Variants in PDE7B observed in about 807,000 individuals in gnomAD.
PDE7B encodes the protein 3',5'-cyclic-AMP phosphodiesterase 7B.
Under a neutral mutation model 56.2 loss-of-function variants are expected in PDE7B, and 29 were observed. That is an observed-to-expected ratio of 0.52 (90% CI 0.38 to 0.70). The LOEUF is 0.70. Ranked by LOEUF, PDE7B falls within the 30% of genes least tolerant of loss-of-function variation. The pLI is 0.00. For synonymous variants in PDE7B, 197 were observed against 196.9 expected, an observed-to-expected ratio of 1.00 and a Z score of 0.00; for missense variants, 490 against 565.0, an observed-to-expected ratio of 0.87 and a Z score of 1.35.
chr6:136,154,757 C>T (rs565821059), intron 7 of PDE7B, among the ~76,000 whole-genome samples: 1 of 152,328 alleles, frequency 6.6e-6, no homozygotes, highest in South Asian at 2.1e-4. Context: ...ACTCAACATT[C>T]AGGCAGTCCT....
At chr6:135,903,437 G>A (rs1386357122) in intron 1 of PDE7B, among the ~76,000 whole-genome samples, 15 of 152,156 alleles carry the variant, frequency 9.9e-5, no homozygotes, top group Non-Finnish European at 5.9e-5. Context: ...ATGTGCAAGT[G>A]AAATACTCAG....
intron 2 of PDE7B, among the ~76,000 whole-genome samples, chr6:136,055,176 GCTT>G (rs1261790430): frequency 6.6e-6 from 1 of 152,166 alleles, no homozygotes; most frequent in African/African-American, 2.4e-5. Context: ...AGGGAGCACT[GCTT>G]CTTAATTTTT....
intron 1 of PDE7B, among the ~76,000 whole-genome samples, chr6:135,914,371 C>G (rs1776260404): frequency 6.6e-6 from 1 of 151,756 alleles, no homozygotes; most frequent in South Asian, 2.1e-4. Context: ...CTGCCCCACC[C>G]CACTTCCCAG....
At chr6:135,962,868 C>G (rs1048290363) in intron 2 of PDE7B, among the ~76,000 whole-genome samples, 1 of 152,134 alleles carries the variant, frequency 6.6e-6, no homozygotes, top group African/African-American at 2.4e-5. Flanking sequence ...AAATCCAGTA[C>G]CTTGTATCAT....
chr6:136,142,490 G>A (rs1778344234), intron 3 of PDE7B, among the ~76,000 whole-genome samples: 1 of 152,170 alleles, frequency 6.6e-6, no homozygotes, highest in Non-Finnish European at 1.5e-5. Context: ...GCAGAGCTGA[G>A]TTCAGTTCCT....
At chr6:136,180,417 CT>C (rs1779043901) in intron 10 of PDE7B, among the ~76,000 whole-genome samples, 1 of 150,520 alleles carries the variant, frequency 6.6e-6, no homozygotes, top group African/African-American at 2.5e-5. Flanking sequence ...TGACACTTAC[CT>C]CTACTTCAAC....
intron 7 of PDE7B, among the ~76,000 whole-genome samples, chr6:136,155,143 GA>G (rs1046841563): frequency 2.6e-5 from 4 of 152,094 alleles, no homozygotes. Flanking sequence ...ATTACACATT[GA>G]AAAAAATGCA....
intron 2 of PDE7B, among the ~76,000 whole-genome samples, chr6:136,014,811 C>T (rs1775949626): frequency 6.6e-6 from 1 of 152,166 alleles, no homozygotes; most frequent in Non-Finnish European, 1.5e-5. Context: ...ATGCGTAAAA[C>T]ACATTGGCCC....
intron 1 of PDE7B, among the ~76,000 whole-genome samples, chr6:135,877,228 C>T (rs111748382): frequency 2.0e-5 from 3 of 152,072 alleles, no homozygotes; most frequent in African/African-American, 7.2e-5. Flanking sequence ...CTGCTGACTC[C>T]TTCTTGATGG....
chr6:136,053,766 T>C (rs974711701), intron 2 of PDE7B, among the ~76,000 whole-genome samples: 3 of 152,014 alleles, frequency 2.0e-5, no homozygotes, highest in East Asian at 1.9e-4. Flanking sequence ...TGGTGTGAGA[T>C]GGTATCTCAT....
intron 1 of PDE7B, among the ~76,000 whole-genome samples, chr6:135,903,631 C>T (rs549624109): frequency 6.6e-6 from 1 of 152,192 alleles, no homozygotes; most frequent in Admixed American, 6.5e-5. Context: ...AAGTTCAGGG[C>T]CAAAGAGGTC....
chr6:136,173,754 T>G (rs749185217), intron 8 of PDE7B, 43 bp from the exon 9 acceptor site: 2 of 1,257,748 alleles, frequency 1.6e-6, no homozygotes, highest in African/African-American at 2.9e-5. Flanking sequence ...GATCAGTATC[T>G]GGCTTCCCTC....
chr6:135,866,340 CTAAG>C (rs1195099385), intron 1 of PDE7B, among the ~76,000 whole-genome samples: 3 of 152,118 alleles, frequency 2.0e-5, no homozygotes, highest in African/African-American at 7.2e-5. Flanking sequence ...AAATCATAAA[CTAAG>C]TAAATAATAA....
In PDE7B at chr6:136,143,022, G is replaced by A. The variant is rs1254216345; in HGVS notation, c.167-4329G>A. ...TGTTAGCTGGTTATTTTGCCCGTTA[G>A]TTGATGCAGTTTCTTCCTACCCTCA... On this transcript the variant is annotated intron_variant, in intron 3 of 12. Coordinates refer to ENST00000308191, the MANE Select transcript of PDE7B (RefSeq NM_018945.4). Among the ~76,000 whole-genome samples the A allele has an allele frequency of 2.0e-5, 3 of 152,122 alleles. No homozygotes were observed. In the East Asian group the frequency reaches 5.8e-4, roughly 29 times the overall value.
chr6:135,946,930 A>G (rs1218054281), intron 1 of PDE7B, among the ~76,000 whole-genome samples: 1 of 152,078 alleles, frequency 6.6e-6, no homozygotes, highest in African/African-American at 2.4e-5. Flanking sequence ...AAGAAAGTTG[A>G]TATTTCCGTA....
intron 2 of PDE7B, among the ~76,000 whole-genome samples, chr6:136,040,303 G>T (rs1356523279): frequency 6.6e-6 from 1 of 152,088 alleles, no homozygotes; most frequent in Non-Finnish European, 1.5e-5. Flanking sequence ...TTCCTCCTGT[G>T]CCTCCTCACT....
At chr6:136,054,884 T>C (rs1776702176) in intron 2 of PDE7B, among the ~76,000 whole-genome samples, 1 of 152,106 alleles carries the variant, frequency 6.6e-6, no homozygotes, top group South Asian at 2.1e-4. Flanking sequence ...AACTACCCTT[T>C]ATAAAACCAT....
intron 5 of PDE7B, 115 bp from the exon 6 acceptor site, chr6:136,151,045 G>A (rs1444189792): frequency 1.7e-6 from 1 of 574,186 alleles, no homozygotes; most frequent in Non-Finnish European, 3.0e-6. Context: ...ACTTCTAAAG[G>A]GGAAAAAATA....
At chr6:136,006,262 G>C (rs917259461) in intron 2 of PDE7B, among the ~76,000 whole-genome samples, 3 of 149,912 alleles carry the variant, frequency 2.0e-5, no homozygotes, top group East Asian at 2.0e-4. Context: ...GCTAAATGAC[G>C]AGTTAATGGG....
Sources: gnomAD v4.1 joint callset for allele counts (sites outside exome capture counted in the v4.1 genomes callset) on GRCh38, gnomAD v4.1.1 for gene constraint, MANE v1.5 for transcripts, NCBI Gene and HGNC (gene_info 2026-07-23, HGNC 2026-07-21) for gene names.